Variants in CSMD1 observed in about 807,000 individuals in gnomAD.
CSMD1 encodes the protein CUB and Sushi multiple domains 1.
Under a neutral mutation model 417.5 loss-of-function variants are expected in CSMD1, and 213 were observed. That is an observed-to-expected ratio of 0.51 (90% CI 0.46 to 0.57). CSMD1 has a LOEUF of 0.57. Ranked by LOEUF, CSMD1 falls within the 20% of genes least tolerant of loss-of-function variation. The probability of loss-of-function intolerance (pLI) is 0.00; values close to 1 mark genes in which losing one functional copy is unlikely to be tolerated. For missense variants in CSMD1, 6,923 were observed against 4,529.7 expected (o/e 1.53, Z -15.17); for synonymous variants, 2,862 against 1,736.8 (o/e 1.65, Z -16.11).
At chr8:3,454,919 T>C (rs1276550279) in intron 12 of CSMD1, among the ~76,000 whole-genome samples, 1 of 152,200 alleles carries the variant, frequency 6.6e-6, no homozygotes, top group Non-Finnish European at 1.5e-5. Flanking sequence ...TCCAACTTGG[T>C]TCCATTCTCC....
At chr8:4,151,388 G>A (rs532907922) in intron 3 of CSMD1, among the ~76,000 whole-genome samples, 4 of 152,090 alleles carry the variant, frequency 2.6e-5, no homozygotes, top group South Asian at 4.1e-4. Flanking sequence ...AGATCCTGCT[G>A]ACCAAGAAAA....
chr8:4,234,318 A>C (rs1047877235), intron 3 of CSMD1, among the ~76,000 whole-genome samples: 1 of 152,144 alleles, frequency 6.6e-6, no homozygotes, highest in Non-Finnish European at 1.5e-5. Context: ...GATTGCAGAC[A>C]CAAGTTTAGA....
intron 1 of CSMD1, among the ~76,000 whole-genome samples, chr8:4,855,701 G>A (rs1214202474): frequency 2.0e-5 from 3 of 151,972 alleles, no homozygotes; most frequent in Non-Finnish European, 4.4e-5. Flanking sequence ...AAGCGAGAAG[G>A]GAAGTCTAGA....
chr8:4,429,673 G>C (rs543266332), intron 2 of CSMD1, among the ~76,000 whole-genome samples: 1 of 152,076 alleles, frequency 6.6e-6, no homozygotes, highest in Non-Finnish European at 1.5e-5. Flanking sequence ...TACCCCAAGA[G>C]ATGGACCCCA....
At chr8:3,681,713 A>G (rs893481901) in intron 7 of CSMD1, among the ~76,000 whole-genome samples, 2 of 152,202 alleles carry the variant, frequency 1.3e-5, no homozygotes, top group Non-Finnish European at 2.9e-5. Context: ...GTGGAACCAA[A>G]AAAGAGCCCG....
intron 6 of CSMD1, among the ~76,000 whole-genome samples, chr8:3,727,078 G>GTTTATCTTTATGTTTATCTTTAT (rs1802541126): frequency 6.6e-6 from 1 of 152,030 alleles, no homozygotes; most frequent in Non-Finnish European, 1.5e-5. Context: ...TAAAGATAAT[G>GTTTATCTTTATGTTTATCTTTAT]GCATTTAATG....
At chr8:3,873,747 A>T (rs1015550402) in intron 5 of CSMD1, among the ~76,000 whole-genome samples, 1 of 152,248 alleles carries the variant, frequency 6.6e-6, no homozygotes, top group African/African-American at 2.4e-5. Flanking sequence ...AGTATTAAGG[A>T]TACAGAGAAA....
chr8:3,818,042 T>C (rs1801492591), intron 5 of CSMD1, among the ~76,000 whole-genome samples: 1 of 152,192 alleles, frequency 6.6e-6, no homozygotes, highest in South Asian at 2.1e-4. Context: ...ACCACGACTC[T>C]CGTTCTATTC....
intron 3 of CSMD1, among the ~76,000 whole-genome samples, chr8:4,088,752 C>A (rs568119472): frequency 6.6e-6 from 1 of 152,112 alleles, no homozygotes; most frequent in African/African-American, 2.4e-5. Context: ...GATCCCACCA[C>A]CATTTATTCC....
Position 4,274,047 on chromosome 8 carries a change from GAAGT to G in CSMD1, c.415+145902_415+145905del, listed in dbSNP as rs1359029748. 2.6e-5 allele frequency among the ~76,000 whole-genome samples: 4 copies of G among 152,106 alleles called. No individual in the cohort carries two copies. In the East Asian group the frequency reaches 5.8e-4, roughly 22 times the overall value. On this transcript the variant is annotated intron_variant, in intron 3 of 69. Coordinates refer to ENST00000635120, the MANE Select transcript of CSMD1 (RefSeq NM_033225.6). Reference sequence around the variant, plus strand: ...TGTCACTTAAAATAAATGCAGAGTTGAAGTAAGAAACTGTGACTTTATTGTAATA... The same window carrying G: ...TGTCACTTAAAATAAATGCAGAGTTGAAGAAACTGTGACTTTATTGTAATA...
At chr8:4,416,083 G>A (rs1026193517) in intron 3 of CSMD1, among the ~76,000 whole-genome samples, 2 of 152,142 alleles carry the variant, frequency 1.3e-5, no homozygotes, top group African/African-American at 4.8e-5. Flanking sequence ...TAAAGTCTTT[G>A]CCAATTGTTA....
intron 6 of CSMD1, among the ~76,000 whole-genome samples, chr8:3,720,455 A>C (rs1585130142): frequency 6.6e-6 from 1 of 152,168 alleles, no homozygotes; most frequent in African/African-American, 2.4e-5. Flanking sequence ...AACAGAATAC[A>C]TGTGTCCTTT....
intron 2 of CSMD1, among the ~76,000 whole-genome samples, chr8:4,619,214 C>T (rs936693446): frequency 1.3e-5 from 2 of 152,046 alleles, no homozygotes; most frequent in Non-Finnish European, 2.9e-5. Context: ...TTCCCACCAC[C>T]ACCACCCCAA....
chr8:4,224,595 C>T (rs1345768024), intron 3 of CSMD1, among the ~76,000 whole-genome samples: 2 of 152,130 alleles, frequency 1.3e-5, no homozygotes, highest in African/African-American at 4.8e-5. Flanking sequence ...GGAGTTCCAC[C>T]ACTTTGCAAA....
At chr8:3,541,132 A>C (rs922053209) in intron 10 of CSMD1, among the ~76,000 whole-genome samples, 1 of 152,238 alleles carries the variant, frequency 6.6e-6, no homozygotes, top group East Asian at 1.9e-4. Context: ...ATCAACCCAA[A>C]TGTCCATCAA....
In CSMD1 at chr8:4,258,872, C is replaced by G. The variant is rs1206436375; in HGVS notation, c.415+161081G>C. Among the ~76,000 whole-genome samples, 11 of 152,308 alleles carry G rather than the reference C, an allele frequency of 7.2e-5. No individual in the cohort carries two copies. In the South Asian group the frequency reaches 1.2e-3, roughly 17 times the overall value. On this transcript the variant is annotated intron_variant, in intron 3 of 69. Transcript: ENST00000635120. ...GACAACGGCTGCAAAAGTCTCATCT[C>G]TACCTGGCCGTGCCATGTGTTTTAA... is the stretch of plus-strand genomic sequence containing the variant.
intron 18 of CSMD1, among the ~76,000 whole-genome samples, chr8:3,371,440 T>G (rs1809939746): frequency 6.6e-6 from 1 of 151,564 alleles, no homozygotes; most frequent in African/African-American, 2.4e-5. Flanking sequence ...CATCACTCAG[T>G]GTCACAATTT....
intron 2 of CSMD1, among the ~76,000 whole-genome samples, chr8:4,482,138 G>T (rs190438074): frequency 1.3e-5 from 2 of 152,206 alleles, no homozygotes; most frequent in East Asian, 3.9e-4. Context: ...ACATGAGCAG[G>T]TTACATAAGT....
chr8:3,019,212 C>T (rs1329313930), intron 51 of CSMD1, among the ~76,000 whole-genome samples: 1 of 152,190 alleles, frequency 6.6e-6, no homozygotes, highest in Non-Finnish European at 1.5e-5. Flanking sequence ...GCCACTGTGC[C>T]TCGACCCATT....
Sources: gnomAD v4.1 joint callset for allele counts (sites outside exome capture counted in the v4.1 genomes callset) on GRCh38, gnomAD v4.1.1 for gene constraint, MANE v1.5 for transcripts, NCBI Gene and HGNC (gene_info 2026-07-23, HGNC 2026-07-21) for gene names.